Variants in DARS1 observed in about 807,000 individuals in gnomAD.
DARS1 encodes the protein aspartate--tRNA ligase, cytoplasmic.
In DARS1, 51 loss-of-function variants were observed where a neutral mutation model predicts 68.8. That is an observed-to-expected ratio of 0.74 (90% CI 0.59 to 0.94). The LOEUF is 0.94. DARS1 is among the 40% of genes least tolerant of loss of function. The pLI is 0.00. For missense variants in DARS1, 607 were observed against 597.3 expected (o/e 1.02, Z -0.17); for synonymous variants, 203 against 190.4 (o/e 1.07, Z -0.55).
chr2:135,934,818 G>A (rs1169970929), intron 5 of DARS1, among the ~76,000 whole-genome samples: 2 of 142,778 alleles, frequency 1.4e-5, no homozygotes, highest in Non-Finnish European at 3.0e-5. Flanking sequence ...TTTTTGAGAC[G>A]GAGTCCCACT....
chr2:135,948,710 C>T (rs180699617), intron 4 of DARS1, among the ~76,000 whole-genome samples: 1 of 151,860 alleles, frequency 6.6e-6, no homozygotes, highest in East Asian at 1.9e-4. Context: ...ACTAAAAGTA[C>T]ACAAAAAAAA....
intron 4 of DARS1, among the ~76,000 whole-genome samples, chr2:135,954,417 T>C (rs556029492): frequency 6.7e-6 from 1 of 150,248 alleles, no homozygotes; most frequent in East Asian, 2.0e-4. Context: ...TTACACCTCA[T>C]GGGGCTGTTG....
At chr2:135,933,763 G>T (rs1681404898) in intron 6 of DARS1, 147 bp downstream of exon 6, 1 of 1,252,210 alleles carries the variant, frequency 8.0e-7, no homozygotes, top group Non-Finnish European at 1.0e-6. Flanking sequence ...ATACCAAAAG[G>T]TTTGAGAATT....
rs781302259 is a variant in DARS1, at chr2:135,912,596, C to T, written c.1150-30G>A. 5.2e-6 allele frequency: 4 copies of T among 764,314 alleles called. No individual in the cohort carries two copies. In the South Asian group the frequency reaches 6.8e-5, roughly 13 times the overall value. 47.3% of individuals were successfully genotyped at this position (764,314 alleles called of 1,614,324 possible). On this transcript the variant is annotated intron_variant, in intron 12 of 15. Coordinates refer to ENST00000264161, the MANE Select transcript of DARS1 (RefSeq NM_001349.4). The stretch of plus-strand genomic sequence containing the variant: ...AAAAAGAATAAATGCAATTAAAATA[C>T]ATTTTTAAAAAGTAAAATGGCTAAC...
In DARS1 at chr2:135,957,209, T is replaced by C. The variant is rs555694548; in HGVS notation, c.320+4187A>G. On this transcript the variant is annotated intron_variant, in intron 4 of 15. Coordinates refer to ENST00000264161, the MANE Select transcript of DARS1 (RefSeq NM_001349.4). ...CCTCCAGAGTAGATGCGACTACAGG[T>C]GCATGCAGCCATATCCTACTAATTT... Among the ~76,000 whole-genome samples, 289 of 151,906 alleles carry C rather than the reference T, an allele frequency of 1.9e-3. 3 individuals are homozygous for C. The highest frequency in any genetic ancestry group is 6.7e-3 in the African/African-American group (278 of 41,414).
At chr2:135,954,344 A>AG (rs1553446715) in intron 4 of DARS1, among the ~76,000 whole-genome samples, 8 of 150,832 alleles carry the variant, frequency 5.3e-5, no homozygotes, top group Non-Finnish European at 7.4e-5. Context: ...AAAAAAAAAA[A>AG]AGAGAGAGAG....
intron 4 of DARS1, among the ~76,000 whole-genome samples, chr2:135,956,929 A>T (rs976510297): frequency 6.0e-5 from 9 of 150,178 alleles, no homozygotes; most frequent in African/African-American, 2.2e-4. Context: ...ACACCTGGCT[A>T]TTTTTTTTTA....
chr2:135,916,113 G>T (rs941828710), intron 11 of DARS1, 113 bp downstream of exon 11: 52 of 489,630 alleles, frequency 1.1e-4, no homozygotes, highest in Admixed American at 2.3e-4. Context: ...CTTGGAGGAC[G>T]GGTCAATAGG....
chr2:135,912,702 C>CT, intron 12 of DARS1, 136 bp from the exon 13 acceptor site: 1 of 428,162 alleles, frequency 2.3e-6, no homozygotes, highest in Non-Finnish European at 4.2e-6. Context: ...GAATATCTTG[C>CT]TTTTTTCAGT....
chr2:135,981,314 C>G (rs1476476998), intron 2 of DARS1, among the ~76,000 whole-genome samples: 3 of 152,122 alleles, frequency 2.0e-5, no homozygotes, highest in African/African-American at 7.2e-5. Flanking sequence ...AACCTGAAAA[C>G]AAAGTCTCAA....
intron 4 of DARS1, among the ~76,000 whole-genome samples, chr2:135,944,359 T>C (rs1215067467): frequency 6.6e-6 from 1 of 152,210 alleles, no homozygotes; most frequent in African/African-American, 2.4e-5. Flanking sequence ...AAAAATTCTA[T>C]TCATTCTGAT....
At chr2:135,918,601 G>A (rs1681052035) in intron 10 of DARS1, among the ~76,000 whole-genome samples, 1 of 152,174 alleles carries the variant, frequency 6.6e-6, no homozygotes, top group Non-Finnish European at 1.5e-5. Flanking sequence ...AATGGCGTTT[G>A]AGTCTAATTT....
chr2:135,936,380 T>A (rs544661251), intron 5 of DARS1, among the ~76,000 whole-genome samples: 1 of 151,682 alleles, frequency 6.6e-6, no homozygotes, highest in African/African-American at 2.4e-5. Context: ...GAAATATATA[T>A]ATACACACAC....
chr2:135,953,775 A>T (rs1487451662), intron 4 of DARS1, among the ~76,000 whole-genome samples: 1 of 152,208 alleles, frequency 6.6e-6, no homozygotes, highest in Non-Finnish European at 1.5e-5. Context: ...ATAGTGGAAG[A>T]GACAAACTCA....
intron 3 of DARS1, among the ~76,000 whole-genome samples, chr2:135,969,151 C>G (rs1558798501): frequency 6.6e-6 from 1 of 151,900 alleles, no homozygotes; most frequent in Admixed American, 6.6e-5. Flanking sequence ...TTCTATACAC[C>G]CATCTTGGAG....
intron 2 of DARS1, among the ~76,000 whole-genome samples, chr2:135,980,790 G>A (rs1219164308): frequency 2.0e-5 from 3 of 152,180 alleles, no homozygotes; most frequent in East Asian, 3.8e-4. Flanking sequence ...CAGAAAAGCA[G>A]AAGTCTAAGA....
chr2:135,936,938 G>A (rs1366230401), intron 5 of DARS1, among the ~76,000 whole-genome samples: 1 of 152,170 alleles, frequency 6.6e-6, no homozygotes. Context: ...CACGGATCAG[G>A]GCGGGAAGAG....
chr2:135,935,128 C>A (rs1004447054), intron 5 of DARS1, among the ~76,000 whole-genome samples: 1 of 152,096 alleles, frequency 6.6e-6, no homozygotes, highest in Non-Finnish European at 1.5e-5. Context: ...GCGCCACTGC[C>A]ACTGCCACCA....
intron 7 of DARS1, among the ~76,000 whole-genome samples, chr2:135,927,016 G>C (rs1681233097): frequency 6.6e-6 from 1 of 152,104 alleles, no homozygotes; most frequent in African/African-American, 2.4e-5. Flanking sequence ...AATAAGAAAT[G>C]GTAATGGTAT....
Sources: gnomAD v4.1 joint callset for allele counts (sites outside exome capture counted in the v4.1 genomes callset) on GRCh38, gnomAD v4.1.1 for gene constraint, MANE v1.5 for transcripts, NCBI Gene and HGNC (gene_info 2026-07-23, HGNC 2026-07-21) for gene names.